SCN8A: variants seen among roughly 807,000 people sequenced by gnomAD.
SCN8A encodes sodium channel protein type 8 subunit alpha.
A neutral mutation model predicts 184.1 loss-of-function variants in SCN8A; 30 were observed. The observed-to-expected ratio is 0.16, with a 90% CI of 0.12 to 0.22. The LOEUF is 0.22. SCN8A is among the 10% of genes least tolerant of loss of function. The pLI, the probability that SCN8A is intolerant of heterozygous loss-of-function variation, is 1.00. For synonymous variants in SCN8A, 852 were observed against 907.0 expected (o/e 0.94, Z 1.09); for missense variants, 1,057 against 2,498.9 (o/e 0.42, Z 12.30).
chr12:51,747,132 T>TGTGTGTGTGTG (rs59759909), intron 13 of SCN8A, among the ~76,000 whole-genome samples: 25 of 139,394 alleles, frequency 1.8e-4, no homozygotes, highest in African/African-American at 5.4e-4. Flanking sequence ...TGTGTGTGTG[T>TGTGTGTGTGTG]TGGGGAGGGG....
chr12:51,738,537 T>G (rs1453565161), intron 12 of SCN8A, among the ~76,000 whole-genome samples: 1 of 152,236 alleles, frequency 6.6e-6, no homozygotes, highest in African/African-American at 2.4e-5. Context: ...TATCAGTAAT[T>G]TGATTTACCC....
intron 1 of SCN8A, among the ~76,000 whole-genome samples, chr12:51,660,162 A>T (rs1324048282): frequency 6.6e-6 from 1 of 152,178 alleles, no homozygotes; most frequent in Non-Finnish European, 1.5e-5. Flanking sequence ...ACTTAAGCCA[A>T]ACAAAGAGAG....
Position 51,810,748 on chromosome 12 carries a change from C to G in SCN8A, c.*3319C>G, listed in dbSNP as rs1026195292. 6.5e-6 allele frequency: 1 copy of G among 153,132 alleles called. No homozygotes were observed. Among genetic ancestry groups the G allele is most frequent in the African/African-American group, 2.4e-5 (1 of 41,452 alleles). The allele number at this position is 153,132 out of a possible 1,614,324, so 9.5% of individuals were successfully genotyped here. A position where few individuals can be genotyped will look rare whatever the true frequency, so the allele number is the denominator to read the frequency against. ...ATTTTCCCCCTCTTCTTTCCTTAAC[C>G]TCCTTGTTGCTTAGGATGAGGAGAC... On this transcript the variant is annotated 3_prime_UTR_variant, in exon 27 of 27. Transcript: ENST00000627620.
At chr12:51,773,194 C>T (rs1174980824) in intron 19 of SCN8A, among the ~76,000 whole-genome samples, 1 of 152,104 alleles carries the variant, frequency 6.6e-6, no homozygotes, top group African/African-American at 2.4e-5. Context: ...TGCAGACAAC[C>T]CAATTCTATT....
rs1565899419 is a variant in SCN8A, at chr12:51,721,107, AATATTTATTTATTGTTATATAT to A, written c.1636-435_1636-414del. ...TATATATATATATATATATATATAT[AATATTTATTTATTGTTATATAT>A]ATAATATTTATTTATTGTTATATAT... is the stretch of plus-strand genomic sequence containing the variant. On this transcript the variant is annotated intron_variant, in intron 11 of 26. Coordinates refer to ENST00000627620, the MANE Select transcript of SCN8A (RefSeq NM_001330260.2). Among the ~76,000 whole-genome samples, 14 of 102,250 alleles carry A rather than the reference AATATTTATTTATTGTTATATAT, an allele frequency of 1.4e-4. No homozygotes were observed. The Admixed American group carries it at 1.5e-3, about 11-fold the overall frequency. 67.1% of individuals were successfully genotyped at this position (102,250 alleles called of 152,430 possible). A position where few individuals can be genotyped will look rare whatever the true frequency, so the allele number is the denominator to read the frequency against.
chr12:51,646,630 C>T (rs891202700), intron 1 of SCN8A, among the ~76,000 whole-genome samples: 7 of 152,294 alleles, frequency 4.6e-5, no homozygotes, highest in South Asian at 2.1e-4. Context: ...TTGTTTGCAT[C>T]ATAACTTGAA....
intron 14 of SCN8A, among the ~76,000 whole-genome samples, chr12:51,754,662 C>T (rs1592144374): frequency 6.6e-6 from 1 of 152,188 alleles, no homozygotes; most frequent in Non-Finnish European, 1.5e-5. Flanking sequence ...GCTATCATAT[C>T]TCTCTAATTT....
At chr12:51,715,333 A>G (rs1941947394) in intron 11 of SCN8A, among the ~76,000 whole-genome samples, 2 of 152,194 alleles carry the variant, frequency 1.3e-5, no homozygotes, top group South Asian at 4.1e-4. Flanking sequence ...TAAGGTTAAG[A>G]ATAGTCTGAT....
At chr12:51,696,667 GGT>G in intron 6 of SCN8A, among the ~76,000 whole-genome samples, 1 of 152,240 alleles carries the variant, frequency 6.6e-6, no homozygotes, top group Non-Finnish European at 1.5e-5. Context: ...GCTGTGTAGT[GGT>G]GTGTTTATCC....
intron 1 of SCN8A, among the ~76,000 whole-genome samples, chr12:51,644,066 A>G (rs1940510919): frequency 6.6e-6 from 1 of 152,210 alleles, no homozygotes; most frequent in Non-Finnish European, 1.5e-5. Context: ...TTGAGTCAGG[A>G]TATTATTCCT....
chr12:51,777,417 G>A (rs111289223), intron 20 of SCN8A, among the ~76,000 whole-genome samples: 13 of 152,088 alleles, frequency 8.5e-5, no homozygotes, highest in East Asian at 7.7e-4. Context: ...GTGCCAAGGC[G>A]CCCAGCTTGA....
chr12:51,772,580 C>CT (rs1258883644), intron 19 of SCN8A, among the ~76,000 whole-genome samples: 3 of 151,996 alleles, frequency 2.0e-5, no homozygotes, highest in Non-Finnish European at 1.5e-5. Flanking sequence ...AAGGGGAAAC[C>CT]TGACATGGAA....
intron 1 of SCN8A, among the ~76,000 whole-genome samples, chr12:51,655,369 G>C (rs1471537864): frequency 1.0e-5 from 1 of 95,696 alleles, no homozygotes; most frequent in Non-Finnish European, 2.4e-5. Context: ...GCATTTTAAG[G>C]TCTTTTTTTT....
intron 26 of SCN8A, among the ~76,000 whole-genome samples, chr12:51,795,908 A>C (rs896308914): frequency 8.0e-5 from 12 of 150,326 alleles, no homozygotes; most frequent in African/African-American, 2.9e-4. Flanking sequence ...TGAGCCAGGC[A>C]TGGTGATACG....
At chr12:51,642,549 A>G (rs1940478054) in intron 1 of SCN8A, among the ~76,000 whole-genome samples, 1 of 152,156 alleles carries the variant, frequency 6.6e-6, no homozygotes, top group African/African-American at 2.4e-5. Flanking sequence ...TCTGTTTTTA[A>G]ACATGGCTGG....
intron 18 of SCN8A, 167 bp from the exon 19 acceptor site, chr12:51,770,362 C>T (rs1942905649): frequency 1.3e-6 from 1 of 771,284 alleles, no homozygotes. Flanking sequence ...CAGCATAGCC[C>T]CAGCCCTGCC....
chr12:51,641,933 A>G (rs1940463801), intron 1 of SCN8A, among the ~76,000 whole-genome samples: 1 of 152,228 alleles, frequency 6.6e-6, no homozygotes, highest in African/African-American at 2.4e-5. Context: ...GACTTAAAGA[A>G]CAATGCAGAT....
intron 1 of SCN8A, among the ~76,000 whole-genome samples, chr12:51,623,070 C>T (rs917151652): frequency 6.6e-6 from 1 of 152,098 alleles, no homozygotes; most frequent in Non-Finnish European, 1.5e-5. Context: ...TGAGCACCTC[C>T]CTACTTTTTT....
At chr12:51,703,152 T>G (rs1210380553) in intron 9 of SCN8A, among the ~76,000 whole-genome samples, 3 of 152,264 alleles carry the variant, frequency 2.0e-5, no homozygotes, top group Non-Finnish European at 4.4e-5. Context: ...TTGTCTGGCC[T>G]GAGAATCTGC....
Sources: allele counts gnomAD v4.1 joint callset (sites outside exome capture counted in the v4.1 genomes callset), GRCh38; gene constraint gnomAD v4.1.1; transcripts MANE v1.5; gene names NCBI Gene and HGNC (gene_info 2026-07-23, HGNC 2026-07-21).